Variants in ITCH observed in about 807,000 individuals in gnomAD.
The protein encoded by ITCH is itchy E3 ubiquitin protein ligase, also known as E3 ubiquitin-protein ligase Itchy homolog.
Under a neutral mutation model 126.8 loss-of-function variants are expected in ITCH, and 28 were observed. That is an observed-to-expected ratio of 0.22 (90% CI 0.16 to 0.30). ITCH has a LOEUF of 0.30. ITCH is among the 10% of genes least tolerant of loss of function. The probability of loss-of-function intolerance (pLI) is 1.00; values close to 1 mark genes in which losing one functional copy is unlikely to be tolerated. For missense variants in ITCH, 631 were observed against 1,032.4 expected (o/e 0.61, Z 5.33); for synonymous variants, 342 against 340.0 (o/e 1.01, Z -0.06).
In ITCH at chr20:34,408,757, C is replaced by T. The variant is rs760502736; in HGVS notation, c.177C>T (p.Asn59=). 3 of 1,613,952 alleles carry T rather than the reference C, an allele frequency of 1.9e-6. No individual in the cohort carries two copies. The highest frequency in any genetic ancestry group is 2.2e-5 in the South Asian group (2 of 91,086). Residue 59 remains asparagine, a synonymous_variant, in exon 4 of 25, where the codon AAC becomes AAT. Coordinates refer to ENST00000374864, the MANE Select transcript of ITCH (RefSeq NM_031483.7). Reference sequence around the variant, plus strand: ...CAAAGAAGACAGAAAAATGCAACAACACAAACAGTCCCAAGTGGAAGCAAC... The same window carrying T: ...CAAAGAAGACAGAAAAATGCAACAATACAAACAGTCCCAAGTGGAAGCAAC... ...GQSKKTEKCN[N]TNSPKWKQPL... is the part of the protein sequence containing the mutation.
chr20:34,417,735 ACTTATT>A (rs978298854), intron 6 of ITCH, among the ~76,000 whole-genome samples: 7 of 110,476 alleles, frequency 6.3e-5, no homozygotes, highest in African/African-American at 2.4e-4. Flanking sequence ...TTAAAGGTTG[ACTTATT>A]CTTATAGCCC....
Position 34,365,207 on chromosome 20 carries a change from T to A in ITCH, c.-99+1858T>A, listed in dbSNP as rs560045474. Among the ~76,000 whole-genome samples, 523 of 146,450 alleles carry A rather than the reference T, an allele frequency of 3.6e-3. 2 individuals carry two copies. The highest frequency in any genetic ancestry group is 0.012 in the African/African-American group (495 of 40,086). ...CAGAGTGAGACCCTGTCTCAAAAAA[T>A]AAAAAAAAAAATTTAGAAATGAAGG... is the stretch of plus-strand genomic sequence containing the variant. On this transcript the variant is annotated intron_variant, in intron 1 of 24. Coordinates refer to ENST00000374864, the MANE Select transcript of ITCH (RefSeq NM_031483.7).
chr20:34,500,257 T>C (rs1054860869), intron 23 of ITCH, among the ~76,000 whole-genome samples: 1 of 152,224 alleles, frequency 6.6e-6, no homozygotes, highest in Non-Finnish European at 1.5e-5. Context: ...AGATGATCTA[T>C]CCAGTGCTAA....
intron 7 of ITCH, among the ~76,000 whole-genome samples, chr20:34,433,249 C>T (rs1392416070): frequency 2.0e-5 from 3 of 152,256 alleles, no homozygotes; most frequent in African/African-American, 7.2e-5. Context: ...GAGATCGTGC[C>T]ATTGCACTCC....
At chr20:34,405,349 A>G (rs977430142) in intron 3 of ITCH, among the ~76,000 whole-genome samples, 1 of 152,058 alleles carries the variant, frequency 6.6e-6, no homozygotes, top group Non-Finnish European at 1.5e-5. Context: ...TACTAAAAAT[A>G]CAAACATTAG....
intron 2 of ITCH, among the ~76,000 whole-genome samples, chr20:34,371,720 C>T (rs2037638400): frequency 6.6e-6 from 1 of 152,024 alleles, no homozygotes; most frequent in African/African-American, 2.4e-5. Flanking sequence ...TCAGCATATC[C>T]ATTTCATCTC....
intron 3 of ITCH, chr20:34,402,654 C>T (rs1446550658): frequency 1.8e-6 from 1 of 568,120 alleles, no homozygotes; most frequent in Non-Finnish European, 3.3e-6. Flanking sequence ...GTTGTTTTAC[C>T]AACAGCACCA....
At position 34,508,046 on chromosome 20, in the gene ITCH, C is replaced by T. The variant is rs1978346086; in HGVS notation, c.*252C>T. On this transcript the variant is annotated 3_prime_UTR_variant, in exon 25 of 25. Coordinates refer to ENST00000374864, the MANE Select transcript of ITCH (RefSeq NM_031483.7). ...AACACAACAATGAAATTTGCCTTGT[C>T]TTATTCCACTAGTTTATTCCTTTAA... 2.2e-6 allele frequency: 1 copy of T among 449,640 alleles called. No homozygotes were observed. Among genetic ancestry groups the T allele is most frequent in the Non-Finnish European group, 4.1e-6 (1 of 241,938 alleles). 27.9% of individuals were successfully genotyped at this position (449,640 alleles called of 1,614,324 possible). A position where few individuals can be genotyped will look rare whatever the true frequency, so the allele number is the denominator to read the frequency against.
intron 7 of ITCH, among the ~76,000 whole-genome samples, chr20:34,434,858 G>A (rs993465387): frequency 6.6e-6 from 1 of 152,168 alleles, no homozygotes; most frequent in East Asian, 1.9e-4. Flanking sequence ...AATGTCAGCT[G>A]TAGCCAATGT....
At chr20:34,440,017 T>C (rs890572345) in intron 8 of ITCH, 138 bp from the exon 9 acceptor site, 1 of 662,048 alleles carries the variant, frequency 1.5e-6, no homozygotes, top group African/African-American at 1.8e-5. Flanking sequence ...TACTTATTTC[T>C]TTAAGTAATT....
At position 34,413,834 on chromosome 20, in the gene ITCH, T is replaced by A. The variant is rs1486359203; in HGVS notation, c.430T>A (p.Leu144Ile). 1 of 1,613,640 alleles carries A rather than the reference T, an allele frequency of 6.2e-7. No individual in the cohort carries two copies. Among genetic ancestry groups the A allele is most frequent in the Non-Finnish European group, 8.5e-7 (1 of 1,179,700 alleles). ...DLSICLDGLQ[L>I]ESEVVTNGET... ...GTCAATTTGTCTTGATGGGCTACAG[T>A]TAGAGTCTGAAGTTGTTACCAATGG... is the stretch of plus-strand genomic sequence containing the variant. The change falls in exon 6 of 25, where the codon TTA becomes ATA. Residue 144 changes from leucine to isoleucine, a missense_variant. Physicochemically the swap from Leu to Ile is conservative, Grantham distance 5. This residue lies in a region of ITCH where 220 missense variants were observed against 265.7 expected (regional missense o/e 0.83). Transcript: ENST00000374864.
chr20:34,408,156 G>A (rs1978403779), intron 3 of ITCH, among the ~76,000 whole-genome samples: 1 of 152,108 alleles, frequency 6.6e-6, no homozygotes, highest in African/African-American at 2.4e-5. Context: ...GCTCACTGAA[G>A]CCTTGACCTC....
intron 3 of ITCH, among the ~76,000 whole-genome samples, chr20:34,405,141 CAAAAAAAAAAA>C (rs1170286039): frequency 5.2e-5 from 3 of 58,236 alleles, no homozygotes; most frequent in Non-Finnish European, 8.9e-5. Context: ...GACCCTGTCT[CAAAAAAAAAAA>C]AAAAAAAAAA....
chr20:34,366,090 GAGA>G (rs2037411802), intron 1 of ITCH, among the ~76,000 whole-genome samples: 1 of 152,172 alleles, frequency 6.6e-6, no homozygotes, highest in South Asian at 2.1e-4. Context: ...GGCGGGGAAA[GAGA>G]AGGACAGGGT....
At chr20:34,369,662 C>A (rs2037545827) in intron 2 of ITCH, 192 bp downstream of exon 2, 1 of 386,124 alleles carries the variant, frequency 2.6e-6, no homozygotes, top group Non-Finnish European at 4.6e-6. Flanking sequence ...CCACACTGTG[C>A]TCTTAATTTG....
intron 12 of ITCH, 61 bp from the exon 13 acceptor site, chr20:34,457,329 G>T: frequency 9.3e-7 from 1 of 1,075,860 alleles, no homozygotes; most frequent in South Asian, 1.3e-5. Context: ...ATTTTACCTT[G>T]AGCAAGAAGA....
At chr20:34,369,627 GCCTCTGCAGGGATTAGCCTGTGAGCCACA>G (rs1237107769) in intron 2 of ITCH, 157 bp downstream of exon 2, 1 of 391,492 alleles carries the variant, frequency 2.6e-6, no homozygotes, top group Non-Finnish European at 4.5e-6. Context: ...ACCCAAAGCT[GCCTCTGCAGGGATTAGCCTGTGAGCCACA>G]CTGTGCTCTT....
At position 34,471,337 on chromosome 20, in the gene ITCH, C is replaced by T. The variant is rs1987601498; in HGVS notation, c.1498-107C>T. 5.5e-6 allele frequency: 4 copies of T among 723,234 alleles called. No individual in the cohort carries two copies. In the South Asian group the frequency reaches 5.9e-5, roughly 11 times the overall value. The allele number at this position is 723,234 out of a possible 1,614,324, so 44.8% of individuals were successfully genotyped here. A position where few individuals can be genotyped will look rare whatever the true frequency, so the allele number is the denominator to read the frequency against. Reference sequence around the variant, plus strand: ...AATATAAATTTATATTCATAGTCTACTTGTTTCTGTAAGGAAAGATAAAAG... The same window carrying T: ...AATATAAATTTATATTCATAGTCTATTTGTTTCTGTAAGGAAAGATAAAAG... On this transcript the variant is annotated intron_variant, in intron 15 of 24. Coordinates refer to ENST00000374864, the MANE Select transcript of ITCH (RefSeq NM_031483.7).
At chr20:34,369,277 G>C (rs763650082) in intron 1 of ITCH, 117 bp from the exon 2 acceptor site, 11 of 381,602 alleles carry the variant, frequency 2.9e-5, no homozygotes, top group Admixed American at 4.5e-5. Flanking sequence ...AGGTTGGAGT[G>C]AGCCAATATC....
Sources: allele counts gnomAD v4.1 joint callset (sites outside exome capture counted in the v4.1 genomes callset), GRCh38; gene constraint gnomAD v4.1.1; regional missense constraint gnomAD v4.1.1; transcripts MANE v1.5; gene names NCBI Gene and HGNC (gene_info 2026-07-23, HGNC 2026-07-21).